BRI3BP: variants seen among roughly 807,000 people sequenced by gnomAD.
BRI3BP encodes the protein BRI3 binding protein, also known as BRI3-binding protein.
In BRI3BP, 7 loss-of-function variants were observed where a neutral mutation model predicts 15.8. That is an observed-to-expected ratio of 0.44 (90% CI 0.25 to 0.83). The LOEUF is 0.83. Among genes scored for constraint, BRI3BP ranks in the 40% least tolerant of loss-of-function variants. BRI3BP has a pLI of 0.20. For missense variants in BRI3BP, 320 were observed against 339.3 expected, an observed-to-expected ratio of 0.94 and a Z score of 0.45; for synonymous variants, 192 against 163.5, an observed-to-expected ratio of 1.17 and a Z score of -1.33.
At chr12:125,043,655 G>A in the BRI3BP span, among the ~76,000 whole-genome samples, 3 of 151,996 alleles carry the variant, frequency 2.0e-5, no homozygotes, top group African/African-American at 4.8e-5. Context: ...TCAGGAGTTC[G>A]AGACCAGCCT....
At chr12:125,042,226 T>G in the BRI3BP span, among the ~76,000 whole-genome samples, 1 of 152,238 alleles carries the variant, frequency 6.6e-6, no homozygotes, top group Non-Finnish European at 1.5e-5. Context: ...CTTGGGGGTT[T>G]TGTGTAGAGA....
intron 1 of BRI3BP, among the ~76,000 whole-genome samples, chr12:125,007,643 C>T (rs1386428668): frequency 6.6e-6 from 1 of 151,406 alleles, no homozygotes. Flanking sequence ...TGCTTGAACC[C>T]AGGAGTTTGA....
intron 1 of BRI3BP, among the ~76,000 whole-genome samples, chr12:124,994,280 G>T (rs1409551144): frequency 1.3e-5 from 2 of 152,054 alleles, no homozygotes; most frequent in East Asian, 3.9e-4. Context: ...AGTCTCTCCC[G>T]GCTGCGCTGA....
At chr12:125,014,700 G>T (rs1242493747) in intron 2 of BRI3BP, among the ~76,000 whole-genome samples, 8 of 152,184 alleles carry the variant, frequency 5.3e-5, no homozygotes. Flanking sequence ...CACATCATTT[G>T]TGTCAACAGC....
intron 1 of BRI3BP, among the ~76,000 whole-genome samples, chr12:125,006,113 G>A (rs891801655): frequency 9.9e-5 from 15 of 152,040 alleles, no homozygotes; most frequent in East Asian, 1.9e-4. Flanking sequence ...AGGGCCCACC[G>A]TAAATATCTC....
chr12:125,031,138 G>C lies in BRI3BP; in HGVS notation c.*5708G>C, dbSNP rs1177118693. 6.6e-6 allele frequency: 1 copy of C among 151,836 alleles called. No homozygotes were observed. The highest frequency in any genetic ancestry group is 6.6e-5 in the Admixed American group (1 of 15,240). The allele number at this position is 151,836 out of a possible 1,614,324, so 9.4% of individuals were successfully genotyped here. Reference sequence around the variant, plus strand: ...AGAGATATTTGTAGATCTCAGAACAGAATTAAAATATTGTGAAAATTACAG... The same window carrying C: ...AGAGATATTTGTAGATCTCAGAACACAATTAAAATATTGTGAAAATTACAG... On this transcript the variant is annotated 3_prime_UTR_variant, in exon 3 of 3. Transcript: ENST00000341446.
the BRI3BP span, among the ~76,000 whole-genome samples, chr12:125,036,388 T>C: frequency 6.6e-6 from 1 of 151,170 alleles, no homozygotes; most frequent in Admixed American, 6.6e-5. Context: ...TATTTATTTA[T>C]TATTATTATT....
At chr12:125,034,951 A>AC (rs1406803296), downstream of BRI3BP, among the ~76,000 whole-genome samples, 1 of 151,716 alleles carries the variant, frequency 6.6e-6, no homozygotes, top group Non-Finnish European at 1.5e-5. Flanking sequence ...CCCCATGCCC[A>AC]CCCCCCAGCT....
rs1450104279 is a variant in BRI3BP at position 125,021,153 on chromosome 12, G to A, written c.317-3838G>A. Among the ~76,000 whole-genome samples, 12 of 152,178 alleles carry A rather than the reference G, an allele frequency of 7.9e-5. 1 individual carries two copies. The highest frequency in any genetic ancestry group is 1.8e-4 in the Non-Finnish European group (12 of 68,034). On this transcript the variant is annotated intron_variant, in intron 2 of 2. Transcript: ENST00000341446. ...CAAAATGCTCACGATGCCTCAGGAAGGCACAGTGTAGCAAACACACTCTGG... is the reference window on the plus strand; with the variant it reads ...CAAAATGCTCACGATGCCTCAGGAAAGCACAGTGTAGCAAACACACTCTGG...
downstream of BRI3BP, among the ~76,000 whole-genome samples, chr12:125,032,793 A>C (rs1477180610): frequency 6.6e-6 from 1 of 152,260 alleles, no homozygotes; most frequent in East Asian, 1.9e-4. Context: ...TCATTTTGTA[A>C]GAATGCATTG....
At chr12:124,995,491 G>A (rs1441683878) in intron 1 of BRI3BP, among the ~76,000 whole-genome samples, 2 of 152,140 alleles carry the variant, frequency 1.3e-5, no homozygotes, top group Non-Finnish European at 1.5e-5. Flanking sequence ...GACAATCTAA[G>A]GCCAACAAAC....
At chr12:125,012,331 G>A (rs187886178) in intron 1 of BRI3BP, among the ~76,000 whole-genome samples, 166 of 152,270 alleles carry the variant, frequency 1.1e-3, no homozygotes, top group Non-Finnish European at 3.1e-4. Context: ...GGAAGGGGTC[G>A]TTTTCACCAG....
rs887420725 is a variant in BRI3BP at position 124,996,288 on chromosome 12, GT to G, written c.213+2294del. Among the ~76,000 whole-genome samples, 19 of 151,732 alleles carry G rather than the reference GT, an allele frequency of 1.3e-4. 1 individual carries two copies. Among genetic ancestry groups the G allele is most frequent in the South Asian group, 4.2e-4 (2 of 4,800 alleles). ...GGATATTGTTTTGTTAATTTTATGG[GT>G]TTTTTTTTAAATTTAATTAATTAAT... On this transcript the variant is annotated intron_variant, in intron 1 of 2. Transcript: ENST00000341446.
the BRI3BP span, among the ~76,000 whole-genome samples, chr12:125,037,247 A>G: frequency 1.3e-5 from 2 of 152,098 alleles, no homozygotes; most frequent in Non-Finnish European, 2.9e-5. Flanking sequence ...TAGTAGAGAC[A>G]GGGTTTCACC....
rs1218967541 is a variant in BRI3BP at position 125,025,483 on chromosome 12, G to A, written c.*53G>A. 2 of 1,429,434 alleles carry A rather than the reference G, an allele frequency of 1.4e-6. No individual in the cohort carries two copies. The highest frequency in any genetic ancestry group is 1.4e-5 in the African/African-American group (1 of 69,998). 88.5% of individuals were successfully genotyped at this position (1,429,434 alleles called of 1,614,324 possible). On this transcript the variant is annotated 3_prime_UTR_variant, in exon 3 of 3. Coordinates refer to ENST00000341446, the MANE Select transcript of BRI3BP (RefSeq NM_080626.6). Reference sequence around the variant, plus strand: ...TTACCAGCACGCTGTCTCAGAAAACGAAAACGGAGGAAAAAAACCCCAAAC... The same window carrying A: ...TTACCAGCACGCTGTCTCAGAAAACAAAAACGGAGGAAAAAAACCCCAAAC...
At chr12:125,014,175 A>T in intron 2 of BRI3BP, among the ~76,000 whole-genome samples, 1 of 151,984 alleles carries the variant, frequency 6.6e-6, no homozygotes, top group East Asian at 1.9e-4. Context: ...GTAAACAGGG[A>T]TCTCCTAGCT....
the BRI3BP span, among the ~76,000 whole-genome samples, chr12:125,048,822 G>A: frequency 6.6e-6 from 1 of 152,048 alleles, no homozygotes; most frequent in African/African-American, 2.4e-5. Flanking sequence ...CTCCGTTCTA[G>A]GAGCCTGCGT....
downstream of BRI3BP, among the ~76,000 whole-genome samples, chr12:125,032,288 C>T (rs755557356): frequency 2.6e-5 from 4 of 151,332 alleles, no homozygotes; most frequent in Non-Finnish European, 4.4e-5. Context: ...TGGTGAAACC[C>T]CGTCTCTACT....
rs187274237 is a variant in BRI3BP, at chr12:125,017,412, C to T, written c.316+4776C>T. Among the ~76,000 whole-genome samples, 246 of 152,168 alleles carry T rather than the reference C, an allele frequency of 1.6e-3. No individual in the cohort carries two copies. In the Middle Eastern group the frequency reaches 0.02, roughly 13 times the overall value. ...TCCAGTGATCTGCCTGCCTTGGCCT[C>T]CCAGAGTGCTGGGATTACAGGCATG... is the stretch of plus-strand genomic sequence containing the variant. On this transcript the variant is annotated intron_variant, in intron 2 of 2. Transcript: ENST00000341446.
Sources: allele counts gnomAD v4.1 joint callset (sites outside exome capture counted in the v4.1 genomes callset), GRCh38; gene constraint gnomAD v4.1.1; transcripts MANE v1.5; gene names NCBI Gene and HGNC (gene_info 2026-07-23, HGNC 2026-07-21).